Variants in STON2 observed in about 807,000 individuals in gnomAD.
STON2 encodes stonin 2, also known as stonin-2.
STON2 carries 29 observed loss-of-function variants against 65.7 expected under a neutral mutation model. That is an observed-to-expected ratio of 0.44 (90% CI 0.33 to 0.60). STON2 has a LOEUF of 0.60. Among genes scored for constraint, STON2 ranks in the 20% least tolerant of loss-of-function variants. The probability of loss-of-function intolerance (pLI) is 0.03; values close to 1 mark genes in which losing one functional copy is unlikely to be tolerated. For synonymous variants in STON2, 404 were observed against 414.2 expected (o/e 0.98, Z 0.30); for missense variants, 1,054 against 1,118.1 (o/e 0.94, Z 0.82).
chr14:81,362,906 C>T (rs1270317485), intron 4 of STON2, among the ~76,000 whole-genome samples: 3 of 152,204 alleles, frequency 2.0e-5, no homozygotes, highest in South Asian at 2.1e-4. Context: ...CTCGGTCCAG[C>T]GGAGGACTCC....
intron 2 of STON2, among the ~76,000 whole-genome samples, chr14:81,411,566 G>A (rs1011641594): frequency 6.6e-6 from 1 of 152,170 alleles, no homozygotes; most frequent in Admixed American, 6.5e-5. Context: ...AATTAGCCAG[G>A]TGTGGTGGCG....
chr14:81,288,758 G>T (rs1895438722), intron 5 of STON2, among the ~76,000 whole-genome samples: 2 of 150,278 alleles, frequency 1.3e-5, no homozygotes, highest in South Asian at 4.1e-4. Flanking sequence ...GAGGTTAAAA[G>T]AGAAGGTGTC....
At chr14:81,352,012 A>G (rs1433536094) in intron 4 of STON2, among the ~76,000 whole-genome samples, 3 of 152,240 alleles carry the variant, frequency 2.0e-5, no homozygotes, top group Non-Finnish European at 4.4e-5. Flanking sequence ...GAACAAATAC[A>G]TAAGACTTAA....
intron 4 of STON2, among the ~76,000 whole-genome samples, chr14:81,347,863 C>T (rs975282712): frequency 1.1e-4 from 13 of 123,582 alleles, no homozygotes; most frequent in Admixed American, 3.0e-4. Context: ...AAGCTATGAT[C>T]GTGCCATTGC....
At chr14:81,317,147 G>A (rs915538834) in intron 5 of STON2, among the ~76,000 whole-genome samples, 1 of 152,190 alleles carries the variant, frequency 6.6e-6, no homozygotes, top group Non-Finnish European at 1.5e-5. Context: ...GGAAGGTGAA[G>A]GGGGAGAAGG....
chr14:81,349,026 G>A (rs1006421886), intron 4 of STON2, among the ~76,000 whole-genome samples: 1 of 152,056 alleles, frequency 6.6e-6, no homozygotes, highest in Non-Finnish European at 1.5e-5. Context: ...GCTGTGAAAA[G>A]TGGATATCTA....
At chr14:81,276,744 C>A (rs1337331692) in intron 6 of STON2, among the ~76,000 whole-genome samples, 157 bp downstream of exon 6, 1 of 152,194 alleles carries the variant, frequency 6.6e-6, no homozygotes, top group Non-Finnish European at 1.5e-5. Context: ...GCATTACTTA[C>A]CTTGCTCAAT....
Position 81,396,190 on chromosome 14 carries a change from A to G in STON2, c.89-12T>C. On this transcript the variant is annotated splice_polypyrimidine_tract_variant and intron_variant, in intron 2 of 7. Transcript: ENST00000614646. ...CTCTTCCGTGCCCCCTGAAACAGATACCAGACGCCACCATCATGTGAGGAA... is the reference window on the plus strand; with the variant it reads ...CTCTTCCGTGCCCCCTGAAACAGATGCCAGACGCCACCATCATGTGAGGAA... 6.3e-7 allele frequency: 1 copy of G among 1,580,326 alleles called. No individual in the cohort carries two copies.
rs147948458 is a variant in STON2 at position 81,288,824 on chromosome 14, T to TGG, written c.743-10087_743-10086dup. On this transcript the variant is annotated intron_variant, in intron 5 of 7. Transcript: ENST00000614646. ...TATCATAGGAGCAAGGGAAAAAGGG[T>TGG]GGGGGGGTCTCCATTCTTACTGATT... Among the ~76,000 whole-genome samples the TGG allele has an allele frequency of 1.9e-4, 29 of 150,386 alleles. No individual in the cohort carries two copies. In the South Asian group the frequency reaches 3.6e-3, roughly 18 times the overall value.
chr14:81,384,657 T>A (rs9323704), intron 3 of STON2, among the ~76,000 whole-genome samples: 6 of 152,186 alleles, frequency 3.9e-5, no homozygotes, highest in African/African-American at 1.4e-4. Flanking sequence ...TGTTTGAACA[T>A]GACTTGAACG....
At chr14:81,388,445 C>T (rs1276371442) in intron 3 of STON2, among the ~76,000 whole-genome samples, 1 of 152,156 alleles carries the variant, frequency 6.6e-6, no homozygotes, top group Non-Finnish European at 1.5e-5. Flanking sequence ...TGGTATGCTT[C>T]AGTGCACAAT....
At position 81,266,946 on chromosome 14, in the gene STON2, TTCAGA is replaced by T; in HGVS notation, c.*1463_*1467del. The T allele has an allele frequency of 2.0e-6, 2 of 985,060 alleles. No homozygotes were observed. Among genetic ancestry groups the T allele is most frequent in the Non-Finnish European group, 2.4e-6 (2 of 829,570 alleles). The allele number at this position is 985,060 out of a possible 1,614,324, so 61.0% of individuals were successfully genotyped here. ...ATCATCATTTTACTTTCAGTCTTAG[TTCAGA>T]TATTTCAAAATACTGTAACTATTTC... On this transcript the variant is annotated 3_prime_UTR_variant, in exon 8 of 8. Coordinates refer to ENST00000614646, the MANE Select transcript of STON2 (RefSeq NM_001394390.1).
chr14:81,268,203 C>T lies in STON2; in HGVS notation c.*211G>A, dbSNP rs559805973. On this transcript the variant is annotated 3_prime_UTR_variant, in exon 8 of 8. Transcript: ENST00000614646. ...CTCGTGCTTTAGGCATGACCAGAATCAAAGAGCCTCTCCAAAAGCCACCAT... is the reference window on the plus strand; with the variant it reads ...CTCGTGCTTTAGGCATGACCAGAATTAAAGAGCCTCTCCAAAAGCCACCAT... 3 of 1,145,244 alleles carry T rather than the reference C, an allele frequency of 2.6e-6. No individual in the cohort carries two copies. The South Asian group carries it at 5.7e-5, about 22-fold the overall frequency. The allele number at this position is 1,145,244 out of a possible 1,614,324, so 70.9% of individuals were successfully genotyped here. A position where few individuals can be genotyped will look rare whatever the true frequency, so the allele number is the denominator to read the frequency against.
At chr14:81,356,174 T>C (rs1440353150) in intron 4 of STON2, among the ~76,000 whole-genome samples, 1 of 152,230 alleles carries the variant, frequency 6.6e-6, no homozygotes, top group Non-Finnish European at 1.5e-5. Context: ...TATTTTGAGA[T>C]ACGTCCTATC....
At chr14:81,376,612 C>A (rs1264160734) in intron 3 of STON2, among the ~76,000 whole-genome samples, 1 of 152,134 alleles carries the variant, frequency 6.6e-6, no homozygotes, top group African/African-American at 2.4e-5. Flanking sequence ...GGCCACTCAT[C>A]TACTCATTTT....
At chr14:81,321,515 C>G (rs576776459) in intron 5 of STON2, among the ~76,000 whole-genome samples, 4 of 152,200 alleles carry the variant, frequency 2.6e-5, no homozygotes, top group African/African-American at 9.6e-5. Flanking sequence ...AAAGGCAAGG[C>G]TATCTCAAGT....
chr14:81,272,974 T>C (rs1894661383), intron 6 of STON2, among the ~76,000 whole-genome samples: 1 of 152,258 alleles, frequency 6.6e-6, no homozygotes, highest in African/African-American at 2.4e-5. Flanking sequence ...GACTCTGCCT[T>C]CAAACTATGT....
chr14:81,278,268 G>A lies in STON2; in HGVS notation c.1214C>T (p.Ser405Phe). ...TCTTTGGCTTTTGCCCGTGGTACTG[G>A]AAATGGAACTGTTTTGGGAGCGCCT... The part of the protein sequence containing the change: ...QERRSQNSSI[S>F]STTGKSQRDS... Residue 405 changes from serine (S) to phenylalanine (F), a missense_variant, in exon 6 of 8, where the codon TCC becomes TTC. Ser to Phe is a radical substitution (Grantham distance 155). Transcript: ENST00000614646. 1 of 1,614,182 alleles carries A rather than the reference G, an allele frequency of 6.2e-7. No individual in the cohort carries two copies. The highest frequency in any genetic ancestry group is 8.5e-7 in the Non-Finnish European group (1 of 1,180,044).
chr14:81,345,885 G>A (rs563913393), intron 4 of STON2, among the ~76,000 whole-genome samples: 1 of 152,274 alleles, frequency 6.6e-6, no homozygotes, highest in South Asian at 2.1e-4. Context: ...CAATTTCACA[G>A]AAGAAAAGTC....
Sources: allele counts gnomAD v4.1 joint callset (sites outside exome capture counted in the v4.1 genomes callset), GRCh38; gene constraint gnomAD v4.1.1; transcripts MANE v1.5; gene names NCBI Gene and HGNC (gene_info 2026-07-23, HGNC 2026-07-21).